Variants in ZNHIT6 observed in about 807,000 individuals in gnomAD.
ZNHIT6 encodes the protein zinc finger HIT-type containing 6.
Under a neutral mutation model 57.2 loss-of-function variants are expected in ZNHIT6, and 45 were observed. That is an observed-to-expected ratio of 0.79 (90% CI 0.62 to 1.01). ZNHIT6 has a LOEUF of 1.01. ZNHIT6 is among the 50% of genes least tolerant of loss of function. ZNHIT6 has a pLI of 0.00. For synonymous variants in ZNHIT6, 188 were observed against 190.0 expected, an observed-to-expected ratio of 0.99 and a Z score of 0.09; for missense variants, 528 against 567.3, an observed-to-expected ratio of 0.93 and a Z score of 0.70.
At position 85,667,961 on chromosome 1, in the gene ZNHIT6, A is replaced by AAAAAAAAAAAAAAAAATGTATATAT; in HGVS notation, c.1247+9274_1247+9275insATATATACATTTTTTTTTTTTTTTT. Among the ~76,000 whole-genome samples, 33 of 18,200 alleles carry AAAAAAAAAAAAAAAAATGTATATAT rather than the reference A, an allele frequency of 1.8e-3. 8 individuals are homozygous for AAAAAAAAAAAAAAAAATGTATATAT. Among genetic ancestry groups the AAAAAAAAAAAAAAAAATGTATATAT allele is most frequent in the Middle Eastern group, 0.062 (2 of 32 alleles). 11.9% of individuals were successfully genotyped at this position (18,200 alleles called of 152,430 possible). On this transcript the variant is annotated intron_variant, in intron 8 of 9. Coordinates refer to ENST00000370574, the MANE Select transcript of ZNHIT6 (RefSeq NM_017953.4). ...ACTCTCTCTTTCAAAAAAAAAAAAA[A>AAAAAAAAAAAAAAAAATGTATATAT]ATATATATATATATATATATATATG...
In ZNHIT6 at chr1:85,677,226, G is replaced by A. The variant is rs1661727337; in HGVS notation, c.1247+10C>T. On this transcript the variant is annotated intron_variant, in intron 8 of 9. Transcript: ENST00000370574. ...AATATTTAAAGAAATGGGGAGGGGA[G>A]CAATTTTACCTTACTAAATTTTGCT... 2 of 1,573,866 alleles carry A rather than the reference G, an allele frequency of 1.3e-6. No individual in the cohort carries two copies. The highest frequency in any genetic ancestry group is 1.7e-6 in the Non-Finnish European group (2 of 1,164,308).
intron 5 of ZNHIT6, among the ~76,000 whole-genome samples, chr1:85,688,270 A>G (rs1187576704): frequency 6.6e-6 from 1 of 152,188 alleles, no homozygotes; most frequent in Non-Finnish European, 1.5e-5. Flanking sequence ...TAGAGAAAAG[A>G]AAGTCACTCC....
At chr1:85,655,925 T>C (rs552406370) in intron 9 of ZNHIT6, among the ~76,000 whole-genome samples, 6 of 152,286 alleles carry the variant, frequency 3.9e-5, no homozygotes, top group African/African-American at 9.6e-5. Context: ...CCATCAGGTG[T>C]GGGAACTACT....
At chr1:85,672,286 C>CT (rs1163004811) in intron 8 of ZNHIT6, among the ~76,000 whole-genome samples, 31 of 151,188 alleles carry the variant, frequency 2.1e-4, no homozygotes, top group Middle Eastern at 3.4e-3. Context: ...AGTCTTACTG[C>CT]TTTTTTTTTG....
rs1764298 is a variant in ZNHIT6 at position 85,702,274 on chromosome 1, C to T, written c.916-14G>A. 0.82 allele frequency: 1,219,673 copies of T among 1,489,082 alleles called. 506,046 individuals are homozygous for T. The highest frequency in any genetic ancestry group is 0.92 in the East Asian group (40,465 of 44,042). The allele number at this position is 1,489,082 out of a possible 1,614,324, so 92.2% of individuals were successfully genotyped here. ...CATAAAGTACATCTAACAACAAAAACCAAACAGACAAATTAATTTTTAAAT... is the reference window on the plus strand; with the variant it reads ...CATAAAGTACATCTAACAACAAAAATCAAACAGACAAATTAATTTTTAAAT... On this transcript the variant is annotated splice_polypyrimidine_tract_variant and intron_variant, in intron 4 of 9. Transcript: ENST00000370574.
Position 85,657,911 on chromosome 1 carries a change from A to T in ZNHIT6, c.1308T>A (p.Ile436=). The change falls in exon 9 of 10, where the codon ATT becomes ATA. Residue 436 remains isoleucine, a synonymous_variant. Coordinates refer to ENST00000370574, the MANE Select transcript of ZNHIT6 (RefSeq NM_017953.4). The part of the protein sequence containing the change: ...LLDNLRNKVI[I]EYPTLHVVLK... The stretch of plus-strand genomic sequence containing the variant: ...ATACCACATGTAATGTTGGATACTC[A>T]ATGATCACTTTGTTCCTCAAATTGT... The T allele has an allele frequency of 3.1e-6, 5 of 1,601,732 alleles. No individual in the cohort carries two copies. Among genetic ancestry groups the T allele is most frequent in the Non-Finnish European group, 4.3e-6 (5 of 1,171,184 alleles).
chr1:85,697,929 G>A (rs1662422007), intron 5 of ZNHIT6, among the ~76,000 whole-genome samples: 1 of 152,166 alleles, frequency 6.6e-6, no homozygotes, highest in Non-Finnish European at 1.5e-5. Flanking sequence ...AGTACTGGGT[G>A]AAAGTGAACA....
intron 5 of ZNHIT6, among the ~76,000 whole-genome samples, chr1:85,695,928 C>T (rs184979951): frequency 1.6e-4 from 25 of 152,136 alleles, no homozygotes; most frequent in African/African-American, 4.8e-4. Context: ...TCCAGCTACT[C>T]GGGAGACTGA....
chr1:85,675,301 C>T (rs1031961424), intron 8 of ZNHIT6, among the ~76,000 whole-genome samples: 1 of 152,194 alleles, frequency 6.6e-6, no homozygotes, highest in Non-Finnish European at 1.5e-5. Context: ...AGGCATTCAA[C>T]TCCCCTGTGC....
chr1:85,708,206 C>T lies in ZNHIT6; in HGVS notation c.79G>A (p.Glu27Lys). The stretch of plus-strand genomic sequence containing the variant: ...TCCCTTACTCCCTCCCTGCCAGGCT[C>T]TGGACTTAGCCGCACCCCCTCAGCT... ...SVAEGVRLSPEPGREGVRDLA... is the reference protein window; with the variant it reads ...SVAEGVRLSPKPGREGVRDLA... Residue 27 changes from glutamate to lysine, a missense_variant, in exon 1 of 10, where the codon GAG becomes AAG. Glu to Lys is a moderately conservative substitution (Grantham distance 56). Transcript: ENST00000370574. 1 of 1,614,134 alleles carries T rather than the reference C, an allele frequency of 6.2e-7. No individual in the cohort carries two copies. The highest frequency in any genetic ancestry group is 8.5e-7 in the Non-Finnish European group (1 of 1,179,998).
intron 4 of ZNHIT6, among the ~76,000 whole-genome samples, chr1:85,702,525 A>G (rs912874547): frequency 6.6e-6 from 1 of 152,178 alleles, no homozygotes; most frequent in Non-Finnish European, 1.5e-5. Flanking sequence ...GGTCTGTCTA[A>G]TTCCAGAGCT....
rs142777396 is a variant in ZNHIT6 at position 85,680,072 on chromosome 1, G to GGCCT, written c.1088+760_1088+763dup. On this transcript the variant is annotated intron_variant, in intron 6 of 9. Transcript: ENST00000370574. ...CTAAACAAGATTAGCTGGGCGTGAT[G>GGCCT]GCCTGAGCCTTTAGTCCCACCTACT... Among the ~76,000 whole-genome samples, 1,271 of 152,306 alleles carry GGCCT rather than the reference G, an allele frequency of 8.3e-3. 9 individuals carry two copies. The highest frequency in any genetic ancestry group is 0.015 in the Non-Finnish European group (990 of 68,028).
intron 1 of ZNHIT6, among the ~76,000 whole-genome samples, chr1:85,707,072 C>T (rs1662705161): frequency 6.6e-6 from 1 of 152,178 alleles, no homozygotes; most frequent in Admixed American, 6.5e-5. Context: ...ACTACAGTTA[C>T]TTCTATTTAG....
Position 85,654,751 on chromosome 1 carries a change from A to G in ZNHIT6, c.1373-653T>C, listed in dbSNP as rs754886788. On this transcript the variant is annotated intron_variant, in intron 9 of 9. Transcript: ENST00000370574. ...AGTGTTTTTTCCCTAAATCTGCAAAATGGGAACCGGAGTAAGTGTTCTATT... is the reference window on the plus strand; with the variant it reads ...AGTGTTTTTTCCCTAAATCTGCAAAGTGGGAACCGGAGTAAGTGTTCTATT... Among the ~76,000 whole-genome samples, 73 of 152,192 alleles carry G rather than the reference A, an allele frequency of 4.8e-4. 1 individual carries two copies. The highest frequency in any genetic ancestry group is 2.4e-4 in the Non-Finnish European group (16 of 68,024).
rs190193696 is a variant in ZNHIT6 at position 85,701,635 on chromosome 1, C to T, written c.1019+522G>A. Among the ~76,000 whole-genome samples the T allele has an allele frequency of 3.3e-5, 5 of 152,276 alleles. No individual in the cohort carries two copies. In the East Asian group the frequency reaches 7.7e-4, roughly 24 times the overall value. ...GTGGAGAAAGAAAATAAAAGCAGAGCTGCCTTGATTAAAACAGTACAGGCG... is the reference window on the plus strand; with the variant it reads ...GTGGAGAAAGAAAATAAAAGCAGAGTTGCCTTGATTAAAACAGTACAGGCG... On this transcript the variant is annotated intron_variant, in intron 5 of 9. Transcript: ENST00000370574.
intron 8 of ZNHIT6, among the ~76,000 whole-genome samples, chr1:85,667,961 A>AAAAAAAAATATATATAT: frequency 5.5e-5 from 1 of 18,198 alleles, no homozygotes; most frequent in African/African-American, 2.1e-4. Flanking sequence ...AAAAAAAAAA[A>AAAAAAAAATATATATAT]ATATATATAT....
chr1:85,664,690 TG>T (rs1661317029), intron 8 of ZNHIT6, among the ~76,000 whole-genome samples: 3 of 152,050 alleles, frequency 2.0e-5, no homozygotes. Flanking sequence ...AGTACCTGCG[TG>T]ACGAAATAAT....
chr1:85,656,637 G>A (rs1285854022), intron 9 of ZNHIT6, among the ~76,000 whole-genome samples: 1 of 152,034 alleles, frequency 6.6e-6, no homozygotes, highest in Non-Finnish European at 1.5e-5. Context: ...AGTGAAACTG[G>A]CCATTTAAAA....
At chr1:85,687,281 C>CAAAAAA (rs371192859) in intron 5 of ZNHIT6, among the ~76,000 whole-genome samples, 7,034 of 32,974 alleles carry the variant, frequency 0.21, 2,560 homozygotes, top group Non-Finnish European at 0.3. Context: ...AAGACTATCT[C>CAAAAAA]AAAAAACAAA....
Sources: allele counts gnomAD v4.1 joint callset (sites outside exome capture counted in the v4.1 genomes callset), GRCh38; gene constraint gnomAD v4.1.1; transcripts MANE v1.5; gene names NCBI Gene and HGNC (gene_info 2026-07-23, HGNC 2026-07-21).